Variants in DRC3 observed in about 807,000 individuals in gnomAD.
DRC3 encodes dynein regulatory complex subunit 3, also known as leucine rich repeat containing 48.
Under a neutral mutation model 57.6 loss-of-function variants are expected in DRC3, and 45 were observed. The ratio of observed to expected loss-of-function variants is 0.78; its 90% CI spans 0.62 to 1.00. The LOEUF is 1.00. Ranked by LOEUF, DRC3 falls within the 50% of genes least tolerant of loss-of-function variation. DRC3 has a pLI of 0.00. For missense variants in DRC3, 655 were observed against 675.2 expected, an observed-to-expected ratio of 0.97 and a Z score of 0.33; for synonymous variants, 257 against 272.3, an observed-to-expected ratio of 0.94 and a Z score of 0.55.
At chr17:18,006,977 G>A (rs751546911) in intron 11 of DRC3, 47 bp from the exon 12 acceptor site, 19 of 1,608,360 alleles carry the variant, frequency 1.2e-5, no homozygotes, top group East Asian at 4.5e-5. Context: ...CATCAGGGAC[G>A]CGCCGGGCCT....
At chr17:18,006,558 TAC>T (rs1418940797) in intron 11 of DRC3, 9 of 453,482 alleles carry the variant, frequency 2.0e-5, no homozygotes, top group South Asian at 1.6e-4. Flanking sequence ...CTATAAGGAG[TAC>T]ATCAGGTGAA....
intron 8 of DRC3, 129 bp from the exon 9 acceptor site, chr17:17,997,331 C>A: frequency 1.3e-6 from 1 of 788,364 alleles, no homozygotes; most frequent in Non-Finnish European, 2.0e-6. Flanking sequence ...CCAAATGAGA[C>A]CAGGAGTTTG....
At position 17,994,477 on chromosome 17, in the gene DRC3, G is replaced by A. The variant is rs1296277000; in HGVS notation, c.711+59G>A. On this transcript the variant is annotated intron_variant, in intron 7 of 13. Coordinates refer to ENST00000399187, the MANE Select transcript of DRC3 (RefSeq NM_031294.4). Reference sequence around the variant, plus strand: ...CCTCAGATGCCCACAAGAGGGCACTGATCAAGTAAAACGGTCCTCAGGGAT... The same window carrying A: ...CCTCAGATGCCCACAAGAGGGCACTAATCAAGTAAAACGGTCCTCAGGGAT... 4 of 1,537,636 alleles carry A rather than the reference G, an allele frequency of 2.6e-6. No homozygotes were observed. In the African/African-American group the frequency reaches 5.5e-5, roughly 21 times the overall value.
chr17:17,995,248 G>C, intron 8 of DRC3, 137 bp downstream of exon 8: 1 of 630,394 alleles, frequency 1.6e-6, no homozygotes, highest in East Asian at 2.8e-5. Context: ...TGAGAGCAAT[G>C]TACCCAACAG....
At chr17:17,994,093 C>T (rs1049411509) in intron 6 of DRC3, 1 of 586,148 alleles carries the variant, frequency 1.7e-6, no homozygotes, top group South Asian at 2.0e-5. Flanking sequence ...CCTGATTTCC[C>T]TGCGCTCACA....
Position 17,983,926 on chromosome 17 carries a change from G to T in DRC3, c.259G>T (p.Ala87Ser). 6.2e-7 allele frequency: 1 copy of T among 1,612,112 alleles called. No individual in the cohort carries two copies. The highest frequency in any genetic ancestry group is 8.5e-7 in the Non-Finnish European group (1 of 1,178,446). The change falls in exon 4 of 14, where the codon GCA becomes TCA. Residue 87 changes from alanine (A) to serine (S), a missense_variant. Coordinates refer to ENST00000399187, the MANE Select transcript of DRC3 (RefSeq NM_031294.4). ...IEKIEGLENL[A>S]HLVWLDLSFN... ...GAAGATCGAGGGCCTGGAGAACCTCGCACACCTGGTCTGGCTGGGTAAGGC... is the reference window on the plus strand; with the variant it reads ...GAAGATCGAGGGCCTGGAGAACCTCTCACACCTGGTCTGGCTGGGTAAGGC...
intron 4 of DRC3, among the ~76,000 whole-genome samples, chr17:17,987,484 G>A (rs1462830277): frequency 6.6e-6 from 1 of 152,138 alleles, no homozygotes; most frequent in African/African-American, 2.4e-5. Context: ...ACCACTCAGG[G>A]CTGCTGTCAG....
At position 18,008,774 on chromosome 17, in the gene DRC3, C is replaced by T. The variant is rs2044068289; in HGVS notation, c.1326+1627C>T. Among the ~76,000 whole-genome samples the T allele has an allele frequency of 6.6e-6, 1 of 152,200 alleles. No individual in the cohort carries two copies. Among genetic ancestry groups the T allele is most frequent in the African/African-American group, 2.4e-5 (1 of 41,448 alleles). On this transcript the variant is annotated intron_variant, in intron 12 of 13. Coordinates refer to ENST00000399187, the MANE Select transcript of DRC3 (RefSeq NM_031294.4). This position sits in a 1 kb window ranked among gnomAD's most constrained non-coding sequence, Gnocchi z 4.3. ...GTGAAGTAAGGCTGTCCCTGAGTGCCCAGTTTGGAATTCCCCAGACAGACC... is the reference window on the plus strand; with the variant it reads ...GTGAAGTAAGGCTGTCCCTGAGTGCTCAGTTTGGAATTCCCCAGACAGACC...
At chr17:17,997,856 T>C (rs2043527418) in intron 9 of DRC3, among the ~76,000 whole-genome samples, 1 of 152,124 alleles carries the variant, frequency 6.6e-6, no homozygotes, top group African/African-American at 2.4e-5. Context: ...CTGCTTGACG[T>C]GTGGCCTGTG....
chr17:17,983,831 T>C lies in DRC3; in HGVS notation c.164T>C (p.Ile55Thr). 1 of 1,609,686 alleles carries C rather than the reference T, an allele frequency of 6.2e-7. No homozygotes were observed. The highest frequency in any genetic ancestry group is 8.5e-7 in the Non-Finnish European group (1 of 1,176,552). ...AAATCACCTTCCATTATTTCAGACA[T>C]CCTCCGCATAGACAACCTCTGGCAG... ...VLSLQLDFRN[I>T]LRIDNLWQFE... The change falls in exon 4 of 14, where the codon ATC (isoleucine) becomes ACC (threonine). Residue 55 changes from isoleucine (I) to threonine (T), a missense_variant. Coordinates refer to ENST00000399187, the MANE Select transcript of DRC3 (RefSeq NM_031294.4).
chr17:17,986,120 C>G (rs2042944172), intron 4 of DRC3, among the ~76,000 whole-genome samples: 1 of 152,148 alleles, frequency 6.6e-6, no homozygotes, highest in South Asian at 2.1e-4. Context: ...CCATGTTGAC[C>G]AGGCTGATCT....
At chr17:17,985,849 C>T (rs1403300048) in intron 4 of DRC3, among the ~76,000 whole-genome samples, 1 of 152,154 alleles carries the variant, frequency 6.6e-6, no homozygotes, top group Non-Finnish European at 1.5e-5. Flanking sequence ...ATTTGTTAGA[C>T]CCCCATTCAA....
intron 13 of DRC3, 65 bp from the exon 14 acceptor site, chr17:18,016,493 G>T: frequency 1.7e-6 from 2 of 1,207,276 alleles, no homozygotes; most frequent in Non-Finnish European, 1.2e-6. Flanking sequence ...CCTCAAACTG[G>T]ATTCAGTGAA....
Position 17,977,598 on chromosome 17 carries a change from G to C in DRC3, c.-1G>C, listed in dbSNP as rs766314814. 1.5e-5 allele frequency: 25 copies of C among 1,613,876 alleles called. No homozygotes were observed. The highest frequency in any genetic ancestry group is 2.1e-5 in the Non-Finnish European group (25 of 1,179,886). On this transcript the variant is annotated 5_prime_UTR_variant, in exon 3 of 14. Transcript: ENST00000399187. ...GTTTTTTAGGGAAAACGTGGGGGAA[G>C]ATGAACCAGCCGTGCAACTCGATGG...
intron 2 of DRC3, among the ~76,000 whole-genome samples, chr17:17,976,634 A>T (rs2042399970): frequency 6.6e-6 from 1 of 152,186 alleles, no homozygotes. Flanking sequence ...AGACCGCGCC[A>T]TTGTGCCCCA....
chr17:17,979,924 C>T, intron 3 of DRC3, among the ~76,000 whole-genome samples: 1 of 152,148 alleles, frequency 6.6e-6, no homozygotes, highest in African/African-American at 2.4e-5. Context: ...AGGCACTACG[C>T]AGCAATCCGG....
chr17:17,983,089 G>C (rs1381683934), intron 3 of DRC3, among the ~76,000 whole-genome samples: 1 of 152,122 alleles, frequency 6.6e-6, no homozygotes. Flanking sequence ...CCAAACTCTG[G>C]CTTACCTAGC....
chr17:17,983,927 C>T lies in DRC3; in HGVS notation c.260C>T (p.Ala87Val), dbSNP rs962521874. Residue 87 changes from alanine to valine, a missense_variant, in exon 4 of 14, where the codon GCA becomes GTA. Coordinates refer to ENST00000399187, the MANE Select transcript of DRC3 (RefSeq NM_031294.4). ...AAGATCGAGGGCCTGGAGAACCTCG[C>T]ACACCTGGTCTGGCTGGGTAAGGCC... ...IEKIEGLENL[A>V]HLVWLDLSFN... The T allele has an allele frequency of 3.1e-6, 5 of 1,610,990 alleles. No homozygotes were observed. Among genetic ancestry groups the T allele is most frequent in the African/African-American group, 1.3e-5 (1 of 74,854 alleles).
At chr17:17,973,206 A>G (rs992845893) in intron 1 of DRC3, 10 of 151,800 alleles carry the variant, frequency 6.6e-5, no homozygotes, top group African/African-American at 2.4e-4. Flanking sequence ...CTAAGGAAGC[A>G]TTTCCCGAGG....
Sources: gnomAD v4.1 joint callset for allele counts (sites outside exome capture counted in the v4.1 genomes callset) on GRCh38, gnomAD v4.1.1 for gene constraint, Gnocchi (gnomAD v3.1) non-coding constraint, MANE v1.5 for transcripts, NCBI Gene and HGNC (gene_info 2026-07-23, HGNC 2026-07-21) for gene names.